LRATD1: variants seen among roughly 807,000 people sequenced by gnomAD.
The protein encoded by LRATD1 is protein LRATD1.
LRATD1 carries 8 observed loss-of-function variants against 21.3 expected under a neutral mutation model. That is an observed-to-expected ratio of 0.38 (90% CI 0.22 to 0.68). The LOEUF (loss-of-function observed/expected upper bound fraction) is 0.68, where lower values mean the gene tolerates loss of function less well. LRATD1 is among the 30% of genes least tolerant of loss of function. The pLI is 0.54. For missense variants in LRATD1, 380 were observed against 404.0 expected (o/e 0.94, Z 0.51); for synonymous variants, 210 against 186.2 (o/e 1.13, Z -1.04).
Position 14,634,518 on chromosome 2 carries a change from G to T in LRATD1, c.539G>T (p.Ser180Ile). Residue 180 changes from serine (S) to isoleucine (I), a missense_variant, in exon 2 of 2, where the codon AGC becomes ATC. Coordinates refer to ENST00000295092, the MANE Select transcript of LRATD1 (RefSeq NM_145175.4). ...GAANVGRVVN[S>I]WYRYRPLVAE... is the part of the protein sequence containing the mutation. ...GCCAACGTGGGCCGGGTGGTGAATA[G>T]CTGGTACCGCTACCGCCCGCTGGTG... 1 of 1,504,918 alleles carries T rather than the reference G, an allele frequency of 6.6e-7. No homozygotes were observed. The highest frequency in any genetic ancestry group is 8.9e-7 in the Non-Finnish European group (1 of 1,128,128). The allele number at this position is 1,504,918 out of a possible 1,614,324, so 93.2% of individuals were successfully genotyped here. A position where few individuals can be genotyped will look rare whatever the true frequency, so the allele number is the denominator to read the frequency against.
At chr2:14,651,871 G>A (rs1365179816), downstream of LRATD1, among the ~76,000 whole-genome samples, 5 of 152,036 alleles carry the variant, frequency 3.3e-5, no homozygotes, top group Admixed American at 2.6e-4. Context: ...TAAGGTAAAT[G>A]TACATATTGT....
rs1447113655 is a variant in LRATD1, at chr2:14,639,459, T to C, written c.*4601T>C. On this transcript the variant is annotated 3_prime_UTR_variant, in exon 2 of 2. Coordinates refer to ENST00000295092, the MANE Select transcript of LRATD1 (RefSeq NM_145175.4). ...GGGGACACCTGTTCTCCCTTCTAAC[T>C]GAAGACACTAAAGAGAAGCTAAGAT... The C allele has an allele frequency of 6.0e-6, 1 of 166,814 alleles. No homozygotes were observed. Among genetic ancestry groups the C allele is most frequent in the Non-Finnish European group, 1.5e-5 (1 of 68,090 alleles). The allele number at this position is 166,814 out of a possible 1,614,324, so 10.3% of individuals were successfully genotyped here. A position where few individuals can be genotyped will look rare whatever the true frequency, so the allele number is the denominator to read the frequency against.
Position 14,635,972 on chromosome 2 carries a change from C to A in LRATD1, c.*1114C>A, listed in dbSNP as rs779205507. Reference sequence around the variant, plus strand: ...TTCCAACTATGTCAACAAAGCCTATCGTGTTGATGTTTTTATTGACCATTT... The same window carrying A: ...TTCCAACTATGTCAACAAAGCCTATAGTGTTGATGTTTTTATTGACCATTT... On this transcript the variant is annotated 3_prime_UTR_variant, in exon 2 of 2. Coordinates refer to ENST00000295092, the MANE Select transcript of LRATD1 (RefSeq NM_145175.4). 3.2e-5 allele frequency: 8 copies of A among 250,954 alleles called. No individual in the cohort carries two copies. The South Asian group carries it at 4.8e-4, about 15-fold the overall frequency. 15.5% of individuals were successfully genotyped at this position (250,954 alleles called of 1,614,324 possible).
chr2:14,647,010 C>T (rs1210011689), intron 4 of LRATD1, among the ~76,000 whole-genome samples: 1 of 152,176 alleles, frequency 6.6e-6, no homozygotes, highest in East Asian at 1.9e-4. Context: ...TTGAAAAACA[C>T]GTGGCTACAC....
downstream of LRATD1, among the ~76,000 whole-genome samples, chr2:14,643,127 A>T (rs559250534): frequency 1.8e-4 from 28 of 152,192 alleles, no homozygotes; most frequent in Non-Finnish European, 3.7e-4. Context: ...ATGCCCTGAG[A>T]GCAATTTCCA....
intron 4 of LRATD1, among the ~76,000 whole-genome samples, chr2:14,648,384 A>C (rs1222060692): frequency 1.3e-5 from 2 of 152,200 alleles, no homozygotes; most frequent in Non-Finnish European, 1.5e-5. Context: ...TTAAAATATT[A>C]ACACTTTTTA....
downstream of LRATD1, among the ~76,000 whole-genome samples, chr2:14,651,164 C>T (rs879700281): frequency 6.6e-6 from 1 of 152,104 alleles, no homozygotes; most frequent in Non-Finnish European, 1.5e-5. Flanking sequence ...ACTATAAATG[C>T]ACACAAATGA....
At position 14,634,380 on chromosome 2, in the gene LRATD1, C is replaced by A; in HGVS notation, c.401C>A (p.Ala134Glu). ...DLLELLWLQP[A>E]PEPPAPAPHW... ...CTGGAGCTGCTGTGGCTGCAGCCCG[C>A]GCCGGAGCCGCCCGCGCCCGCCCCG... The change falls in exon 2 of 2, where the codon GCG becomes GAG. Residue 134 changes from alanine to glutamate, a missense_variant. Coordinates refer to ENST00000295092, the MANE Select transcript of LRATD1 (RefSeq NM_145175.4). 1 of 1,548,926 alleles carries A rather than the reference C, an allele frequency of 6.5e-7. No homozygotes were observed. The highest frequency in any genetic ancestry group is 1.2e-5 in the South Asian group (1 of 83,858).
chr2:14,635,613 G>A lies in LRATD1; in HGVS notation c.*755G>A, dbSNP rs569831595. On this transcript the variant is annotated 3_prime_UTR_variant, in exon 2 of 2. Coordinates refer to ENST00000295092, the MANE Select transcript of LRATD1 (RefSeq NM_145175.4). The stretch of plus-strand genomic sequence containing the variant: ...TCGCTGGCAGAAGGGAAGCCGGCCC[G>A]GTCCCGGGAGGAAGATGGCGCTGCG... The A allele has an allele frequency of 2.3e-5, 11 of 470,822 alleles. No homozygotes were observed. Among genetic ancestry groups the A allele is most frequent in the Non-Finnish European group, 4.4e-5 (10 of 226,990 alleles). The allele number at this position is 470,822 out of a possible 1,614,324, so 29.2% of individuals were successfully genotyped here. A position where few individuals can be genotyped will look rare whatever the true frequency, so the allele number is the denominator to read the frequency against.
rs1671758982 is a variant in LRATD1 at position 14,639,257 on chromosome 2, G to A, written c.*4399G>A. On this transcript the variant is annotated 3_prime_UTR_variant, in exon 2 of 2. Coordinates refer to ENST00000295092, the MANE Select transcript of LRATD1 (RefSeq NM_145175.4). ...AAGCTAACAATAAAAAGAAAATGTG[G>A]GAGTTGTGCAATTAGTTTTATTCTC... is the stretch of plus-strand genomic sequence containing the variant. 6.0e-6 allele frequency: 1 copy of A among 166,890 alleles called. No individual in the cohort carries two copies. Among genetic ancestry groups the A allele is most frequent in the African/African-American group, 2.4e-5 (1 of 41,396 alleles). 10.3% of individuals were successfully genotyped at this position (166,890 alleles called of 1,614,324 possible).
In LRATD1 at chr2:14,635,309, T is replaced by G; in HGVS notation, c.*451T>G. 1 of 483,484 alleles carries G rather than the reference T, an allele frequency of 2.1e-6. No individual in the cohort carries two copies. Among genetic ancestry groups the G allele is most frequent in the Non-Finnish European group, 4.2e-6 (1 of 235,800 alleles). The allele number at this position is 483,484 out of a possible 1,614,324, so 29.9% of individuals were successfully genotyped here. On this transcript the variant is annotated 3_prime_UTR_variant, in exon 2 of 2. Coordinates refer to ENST00000295092, the MANE Select transcript of LRATD1 (RefSeq NM_145175.4). ...CCGGTCGGAGGCGAGAACTGGTCTCTACAGGGCACAGTTCAGCTCCTCTGT... is the reference window on the plus strand; with the variant it reads ...CCGGTCGGAGGCGAGAACTGGTCTCGACAGGGCACAGTTCAGCTCCTCTGT...
At chr2:14,643,243 A>G (rs1247031004), downstream of LRATD1, among the ~76,000 whole-genome samples, 1 of 152,194 alleles carries the variant, frequency 6.6e-6, no homozygotes, top group Non-Finnish European at 1.5e-5. Context: ...ATTTTATAAG[A>G]CAGGATCTAT....
downstream of LRATD1, among the ~76,000 whole-genome samples, chr2:14,644,290 T>C (rs960844517): frequency 5.9e-5 from 9 of 152,154 alleles, no homozygotes; most frequent in African/African-American, 2.2e-4. Flanking sequence ...ATACATCAGC[T>C]TCAAAAAACA....
chr2:14,646,452 A>G (rs1671896780), exon 4 of LRATD1: 1 of 152,180 alleles, frequency 6.6e-6, no homozygotes, highest in South Asian at 2.1e-4. Context: ...TGTGTCGGTA[A>G]CCAGGGGTCC....
At chr2:14,647,645 A>G (rs1671917940) in intron 4 of LRATD1, among the ~76,000 whole-genome samples, 1 of 152,018 alleles carries the variant, frequency 6.6e-6, no homozygotes, top group Non-Finnish European at 1.5e-5. Flanking sequence ...TTTTCTCTCT[A>G]TTAGCCATGT....
In LRATD1 at chr2:14,637,626, G is replaced by A. The variant is rs1326313075; in HGVS notation, c.*2768G>A. 6.0e-6 allele frequency: 1 copy of A among 166,918 alleles called. No homozygotes were observed. The highest frequency in any genetic ancestry group is 2.4e-5 in the African/African-American group (1 of 41,392). The allele number at this position is 166,918 out of a possible 1,614,324, so 10.3% of individuals were successfully genotyped here. A position where few individuals can be genotyped will look rare whatever the true frequency, so the allele number is the denominator to read the frequency against. ...TTATCTCTTTGTCAGTGTTAGTAAG[G>A]TAACCCATGACAGAATAATTTGAGT... On this transcript the variant is annotated 3_prime_UTR_variant, in exon 2 of 2. Transcript: ENST00000295092.
intron 4 of LRATD1, among the ~76,000 whole-genome samples, chr2:14,648,214 A>T (rs1671929700): frequency 6.6e-6 from 1 of 152,192 alleles, no homozygotes; most frequent in South Asian, 2.1e-4. Context: ...AGTTCCTCAT[A>T]GACTCTGTCT....
In LRATD1 at chr2:14,633,697, G is replaced by T. The variant is rs1315757996; in HGVS notation, c.-36-247G>T. On this transcript the variant is annotated intron_variant, in intron 1 of 1. Transcript: ENST00000295092. The surrounding 1 kb of genome is among the most constrained non-coding windows in gnomAD (Gnocchi z 7.5). ...AGCCAGCCTGGGTGTTTTCTTCTGG[G>T]AGTTGGACCGAGTTCCCGGAAGGGG... The T allele has an allele frequency of 9.1e-6, 4 of 439,064 alleles. No individual in the cohort carries two copies. The highest frequency in any genetic ancestry group is 1.2e-5 in the Non-Finnish European group (3 of 243,614). The allele number at this position is 439,064 out of a possible 1,614,324, so 27.2% of individuals were successfully genotyped here.
At position 14,635,051 on chromosome 2, in the gene LRATD1, G is replaced by A; in HGVS notation, c.*193G>A. On this transcript the variant is annotated 3_prime_UTR_variant, in exon 2 of 2. Coordinates refer to ENST00000295092, the MANE Select transcript of LRATD1 (RefSeq NM_145175.4). The stretch of plus-strand genomic sequence containing the variant: ...GCAGGAAGTCTCAGGAACTGCCCCA[G>A]GGCCGAAAGGGCGCCGCTGCGAGCG... 2 of 840,590 alleles carry A rather than the reference G, an allele frequency of 2.4e-6. No individual in the cohort carries two copies. The highest frequency in any genetic ancestry group is 4.0e-6 in the Non-Finnish European group (2 of 505,974). 52.1% of individuals were successfully genotyped at this position (840,590 alleles called of 1,614,324 possible). A position where few individuals can be genotyped will look rare whatever the true frequency, so the allele number is the denominator to read the frequency against.
Sources: allele counts gnomAD v4.1 joint callset (sites outside exome capture counted in the v4.1 genomes callset), GRCh38; gene constraint gnomAD v4.1.1; non-coding constraint Gnocchi (gnomAD v3.1); transcripts MANE v1.5; gene names NCBI Gene and HGNC (gene_info 2026-07-23, HGNC 2026-07-21).